Variants in SHANK2 observed in about 807,000 individuals in gnomAD.
SHANK2 encodes the protein SH3 and multiple ankyrin repeat domains 2, also known as SH3 and multiple ankyrin repeat domains protein 2.
Under a neutral mutation model 133.7 loss-of-function variants are expected in SHANK2, and 43 were observed. That is an observed-to-expected ratio of 0.32 (90% confidence interval 0.25 to 0.41). The LOEUF is 0.41. SHANK2 is among the 10% of genes least tolerant of loss of function. The pLI, the probability that SHANK2 is intolerant of heterozygous loss-of-function variation, is 1.00. For missense variants in SHANK2, 1,994 were observed against 2,235.8 expected (o/e 0.89, Z 2.18); for synonymous variants, 1,017 against 952.8 (o/e 1.07, Z -1.24).
At chr11:71,232,837 T>C (rs1218400066) in intron 1 of SHANK2, among the ~76,000 whole-genome samples, 1 of 152,166 alleles carries the variant, frequency 6.6e-6, no homozygotes, top group African/African-American at 2.4e-5. Flanking sequence ...ACCTGGACTT[T>C]TGACTGTGTG....
chr11:70,861,854 C>T (rs191101748), intron 11 of SHANK2, among the ~76,000 whole-genome samples: 3 of 152,248 alleles, frequency 2.0e-5, no homozygotes, highest in Admixed American at 6.5e-5. Flanking sequence ...ATGAGTGATC[C>T]AACTGGGAGG....
At chr11:70,766,342 C>G (rs1947123858) in intron 14 of SHANK2, among the ~76,000 whole-genome samples, 1 of 152,168 alleles carries the variant, frequency 6.6e-6, no homozygotes. Flanking sequence ...GCCTCTGTGT[C>G]ATGTAAGCCA....
intron 14 of SHANK2, among the ~76,000 whole-genome samples, chr11:70,767,338 C>T (rs1451631315): frequency 6.6e-6 from 1 of 152,196 alleles, no homozygotes; most frequent in Non-Finnish European, 1.5e-5. Flanking sequence ...CCACCAATTC[C>T]ATTCCCAGGT....
At chr11:71,107,295 C>A (rs1951816223) in intron 6 of SHANK2, among the ~76,000 whole-genome samples, 1 of 152,190 alleles carries the variant, frequency 6.6e-6, no homozygotes. Flanking sequence ...ACCAAACCCA[C>A]TGGGCCCTGT....
chr11:71,183,165 G>T (rs1469833441), intron 2 of SHANK2, among the ~76,000 whole-genome samples: 1 of 152,174 alleles, frequency 6.6e-6, no homozygotes, highest in African/African-American at 2.4e-5. Flanking sequence ...AAATAAAGAG[G>T]CTCTGCAGGC....
At chr11:71,196,692 G>A (rs782257954) in intron 2 of SHANK2, among the ~76,000 whole-genome samples, 2 of 151,440 alleles carry the variant, frequency 1.3e-5, no homozygotes, top group East Asian at 2.0e-4. Context: ...GCCCTCCCCC[G>A]CATGGCTCAC....
chr11:70,552,443 C>T (rs1331389831), intron 17 of SHANK2, among the ~76,000 whole-genome samples: 6 of 152,204 alleles, frequency 3.9e-5, no homozygotes, highest in African/African-American at 1.2e-4. Context: ...AGTCATTTAT[C>T]GAGTGCTTCA....
intron 25 of SHANK2, among the ~76,000 whole-genome samples, chr11:70,484,923 C>T (rs2058779928): frequency 6.6e-6 from 1 of 152,136 alleles, no homozygotes; most frequent in East Asian, 1.9e-4. Flanking sequence ...GGCAGCTAGT[C>T]TCCTGCAACC....
chr11:71,101,154 A>G (rs1190379737), intron 6 of SHANK2, among the ~76,000 whole-genome samples: 1 of 152,168 alleles, frequency 6.6e-6, no homozygotes, highest in Non-Finnish European at 1.5e-5. Context: ...GAAAGTGCAT[A>G]GGGGAAAACT....
At chr11:70,589,168 G>C (rs1554987479) in intron 17 of SHANK2, among the ~76,000 whole-genome samples, 1 of 152,202 alleles carries the variant, frequency 6.6e-6, no homozygotes, top group East Asian at 1.9e-4. Context: ...CATAGCTAGA[G>C]AGGAGAAATC....
intron 24 of SHANK2, among the ~76,000 whole-genome samples, chr11:70,488,442 GA>G (rs1203059831): frequency 1.3e-5 from 2 of 152,202 alleles, no homozygotes; most frequent in Non-Finnish European, 1.5e-5. Context: ...AGGGTCATGT[GA>G]ATCCTTTCAT....
At chr11:70,903,568 T>G (rs2135695006) in intron 10 of SHANK2, among the ~76,000 whole-genome samples, 1 of 152,048 alleles carries the variant, frequency 6.6e-6, no homozygotes, top group Non-Finnish European at 1.5e-5. Context: ...TCCATCACAC[T>G]CATCATTGGC....
intron 11 of SHANK2, among the ~76,000 whole-genome samples, chr11:70,834,390 G>A (rs1421937571): frequency 6.6e-6 from 1 of 152,188 alleles, no homozygotes; most frequent in Admixed American, 6.5e-5. Context: ...AACTCTAGAC[G>A]GTCTCAGTGG....
intron 17 of SHANK2, among the ~76,000 whole-genome samples, chr11:70,598,196 G>A (rs546402012): frequency 2.0e-5 from 3 of 152,294 alleles, no homozygotes; most frequent in East Asian, 3.9e-4. Context: ...GCGATGGGGC[G>A]GGACGAATGA....
rs1048651394 is a variant in SHANK2, at chr11:71,057,611, G to A, written c.1030-1053C>T. 2.0e-5 allele frequency among the ~76,000 whole-genome samples: 3 copies of A among 152,086 alleles called. No homozygotes were observed. The East Asian group carries it at 5.8e-4, about 29-fold the overall frequency. On this transcript the variant is annotated intron_variant, in intron 9 of 25. Transcript: ENST00000601538. ...GTTGCCGAGGCTAGAGTGCAGTGGT[G>A]CAATCTTGGCTCGCTGCAACCTTCA...
chr11:70,953,185 T>C (rs972351352), intron 10 of SHANK2, among the ~76,000 whole-genome samples: 8 of 152,018 alleles, frequency 5.3e-5, no homozygotes, highest in Admixed American at 5.2e-4. Flanking sequence ...GAGCTGGGCC[T>C]AGCAGGAGGT....
At chr11:70,734,981 G>A (rs114770064) in intron 14 of SHANK2, among the ~76,000 whole-genome samples, 3 of 152,200 alleles carry the variant, frequency 2.0e-5, no homozygotes, top group Non-Finnish European at 2.9e-5. Context: ...GGAGACGAGC[G>A]GGCCCAGGCC....
At chr11:70,940,309 C>G (rs552207178) in intron 10 of SHANK2, among the ~76,000 whole-genome samples, 1 of 133,560 alleles carries the variant, frequency 7.5e-6, no homozygotes, top group Non-Finnish European at 1.6e-5. Context: ...TGCAGTGGCG[C>G]GATCTCGGCT....
chr11:70,876,751 A>G (rs548179047), intron 11 of SHANK2, among the ~76,000 whole-genome samples: 1 of 152,280 alleles, frequency 6.6e-6, no homozygotes, highest in East Asian at 1.9e-4. Flanking sequence ...AAGGCAGGAA[A>G]TAACAGGGCT....
Sources: gnomAD v4.1 joint callset for allele counts (sites outside exome capture counted in the v4.1 genomes callset) on GRCh38, gnomAD v4.1.1 for gene constraint, MANE v1.5 for transcripts, NCBI Gene and HGNC (gene_info 2026-07-23, HGNC 2026-07-21) for gene names.